The following TTC8 variants were observed in gnomAD, a reference collection of about 807,000 sequenced individuals.
TTC8 encodes tetratricopeptide repeat domain 8, also known as tetratricopeptide repeat protein 8.
Under a neutral mutation model 72.5 loss-of-function variants are expected in TTC8, and 47 were observed. That is an observed-to-expected ratio of 0.65 (90% CI 0.51 to 0.83). The LOEUF is 0.83. TTC8 is among the 40% of genes least tolerant of loss of function. The probability of loss-of-function intolerance (pLI) is 0.00; values close to 1 mark genes in which losing one functional copy is unlikely to be tolerated. For missense variants in TTC8, 611 were observed against 623.2 expected (o/e 0.98, Z 0.21); for synonymous variants, 199 against 221.4 (o/e 0.90, Z 0.90).
chr14:88,842,114 A>T, intron 6 of TTC8, among the ~76,000 whole-genome samples: 1 of 152,196 alleles, frequency 6.6e-6, no homozygotes, highest in East Asian at 1.9e-4. Flanking sequence ...AGAAAAATAA[A>T]GGAAGGTGTC....
chr14:88,877,212 ACTATGT>A (rs1298480551), intron 14 of TTC8, 76 bp from the exon 15 acceptor site: 2 of 989,578 alleles, frequency 2.0e-6, no homozygotes, highest in Non-Finnish European at 3.2e-6. Context: ...GCATGCAGAT[ACTATGT>A]CTTATTTTCT....
At chr14:88,839,635 A>G in intron 3 of TTC8, 63 bp downstream of exon 3, 1 of 1,562,334 alleles carries the variant, frequency 6.4e-7, no homozygotes. Flanking sequence ...ACTGTGTATA[A>G]GAGGAATATA....
chr14:88,840,921 G>A lies in TTC8; in HGVS notation c.322G>A (p.Ala108Thr), dbSNP rs1000702394. 1.6e-5 allele frequency: 26 copies of A among 1,613,982 alleles called. No individual in the cohort carries two copies. Among genetic ancestry groups the A allele is most frequent in the Non-Finnish European group, 2.0e-5 (24 of 1,180,000 alleles). ...GTNQTGGPSQ[A>T]VRPITQAGRP... Reference sequence around the variant, plus strand: ...TAATCAGACAGGAGGGCCTAGCCAGGCCGTTAGGTATGTACTTCTGCTTCA... The same window carrying A: ...TAATCAGACAGGAGGGCCTAGCCAGACCGTTAGGTATGTACTTCTGCTTCA... The change falls in exon 4 of 15, where the codon GCC becomes ACC. Residue 108 changes from alanine (A) to threonine (T), a missense_variant. By Grantham distance (58) the Ala-to-Thr change is moderately conservative (BLOSUM62 0). Transcript: ENST00000380656.
chr14:88,874,269 A>G (rs2094947588), intron 13 of TTC8, among the ~76,000 whole-genome samples: 1 of 152,164 alleles, frequency 6.6e-6, no homozygotes, highest in African/African-American at 2.4e-5. Context: ...TTCCATTAAA[A>G]AAGTTATACA....
downstream of TTC8, chr14:88,880,905 T>C (rs895911992): frequency 7.9e-5 from 12 of 152,184 alleles, no homozygotes; most frequent in African/African-American, 2.7e-4. Context: ...AAAAATTTGA[T>C]AACAGAATGA....
chr14:88,857,367 C>G lies in TTC8; in HGVS notation c.798+90C>G, dbSNP rs774445848. Reference sequence around the variant, plus strand: ...GCATGGGGAGAGTAAACAGCTTCTTCAGGAATATTTGGCAAGTTACTATGT... The same window carrying G: ...GCATGGGGAGAGTAAACAGCTTCTTGAGGAATATTTGGCAAGTTACTATGT... On this transcript the variant is annotated intron_variant, in intron 9 of 14. Transcript: ENST00000380656. 64 of 1,145,382 alleles carry G rather than the reference C, an allele frequency of 5.6e-5. No individual in the cohort carries two copies. The South Asian group carries it at 7.9e-4, about 14-fold the overall frequency. 71.0% of individuals were successfully genotyped at this position (1,145,382 alleles called of 1,614,324 possible).
At chr14:88,833,826 T>C in intron 2 of TTC8, 104 bp downstream of exon 2, 1 of 1,005,596 alleles carries the variant, frequency 9.9e-7, no homozygotes, top group East Asian at 2.4e-5. Flanking sequence ...TTCCTGTGGG[T>C]TTATAAAATT....
At chr14:88,877,191 G>T (rs1595995366) in intron 14 of TTC8, 103 bp from the exon 15 acceptor site, 1 of 839,444 alleles carries the variant, frequency 1.2e-6, no homozygotes, top group Non-Finnish European at 2.0e-6. Flanking sequence ...AGAACCCTTT[G>T]AATTTCTACA....
At chr14:88,877,234 A>G in intron 14 of TTC8, 60 bp from the exon 15 acceptor site, 1 of 1,277,324 alleles carries the variant, frequency 7.8e-7, no homozygotes, top group South Asian at 1.2e-5. Context: ...TTTCTTTTTT[A>G]CTTCCTTACT....
rs540480232 is a variant in TTC8 at position 88,845,968 on chromosome 14, C to T, written c.624+2118C>T. ...AAGCAGATAAGGGAATAAATAATGA[C>T]GTGGGGGAGGATGCTATTTTGGATG... On this transcript the variant is annotated intron_variant, in intron 7 of 14. Transcript: ENST00000380656. Among the ~76,000 whole-genome samples, 8 of 150,898 alleles carry T rather than the reference C, an allele frequency of 5.3e-5. No homozygotes were observed. The South Asian group carries it at 1.5e-3, about 28-fold the overall frequency.
At chr14:88,826,579 C>T (rs969113268) in intron 1 of TTC8, among the ~76,000 whole-genome samples, 1 of 152,046 alleles carries the variant, frequency 6.6e-6, no homozygotes, top group Non-Finnish European at 1.5e-5. Flanking sequence ...TGGCGGGCGC[C>T]TGTAGTCCCA....
intron 14 of TTC8, 66 bp downstream of exon 14, chr14:88,875,175 TACAAATA>T (rs2094952171): frequency 7.3e-7 from 1 of 1,376,226 alleles, no homozygotes; most frequent in Non-Finnish European, 1.0e-6. Flanking sequence ...TTAAAAAAAG[TACAAATA>T]AATGAGGAAA....
chr14:88,867,488 T>C (rs2094915670), intron 10 of TTC8, among the ~76,000 whole-genome samples: 1 of 152,214 alleles, frequency 6.6e-6, no homozygotes, highest in Non-Finnish European at 1.5e-5. Flanking sequence ...TGTATGCTTA[T>C]GTATGAACAA....
At chr14:88,876,206 G>A (rs1032752885) in intron 14 of TTC8, among the ~76,000 whole-genome samples, 1 of 152,214 alleles carries the variant, frequency 6.6e-6, no homozygotes, top group Middle Eastern at 3.4e-3. Flanking sequence ...GCTTACCTTC[G>A]GGAATAGCAC....
intron 1 of TTC8, among the ~76,000 whole-genome samples, chr14:88,831,717 T>C (rs2140958103): frequency 6.6e-6 from 1 of 152,324 alleles, no homozygotes; most frequent in East Asian, 1.9e-4. Flanking sequence ...GATTCTATCA[T>C]CTATATTTTT....
chr14:88,875,475 G>T (rs969740550), intron 14 of TTC8, among the ~76,000 whole-genome samples: 2 of 152,096 alleles, frequency 1.3e-5, no homozygotes, highest in African/African-American at 4.8e-5. Flanking sequence ...TTGCCACCAA[G>T]TTTCTGGTAC....
At chr14:88,860,713 A>T (rs1256575128) in intron 9 of TTC8, among the ~76,000 whole-genome samples, 3 of 152,232 alleles carry the variant, frequency 2.0e-5, no homozygotes, top group Admixed American at 6.5e-5. Context: ...TAGAGAATAA[A>T]TGAATGAATG....
At chr14:88,874,794 G>A (rs2094949812) in intron 13 of TTC8, among the ~76,000 whole-genome samples, 1 of 151,974 alleles carries the variant, frequency 6.6e-6, no homozygotes, top group Non-Finnish European at 1.5e-5. Flanking sequence ...CTTATTTTCT[G>A]TGTCTTATGA....
chr14:88,856,011 G>C lies in TTC8; in HGVS notation c.711-1179G>C, dbSNP rs561683604. On this transcript the variant is annotated intron_variant, in intron 8 of 14. Transcript: ENST00000380656. Reference sequence around the variant, plus strand: ...AAGACAGAGGATTGCTTGAGCCCCAGAGGGCAAGGCTGCGGTGAGCTGTGA... The same window carrying C: ...AAGACAGAGGATTGCTTGAGCCCCACAGGGCAAGGCTGCGGTGAGCTGTGA... Among the ~76,000 whole-genome samples, 39 of 152,354 alleles carry C rather than the reference G, an allele frequency of 2.6e-4. No homozygotes were observed. In the South Asian group the frequency reaches 7.9e-3, roughly 31 times the overall value.
Sources: gnomAD v4.1 joint callset for allele counts (sites outside exome capture counted in the v4.1 genomes callset) on GRCh38, gnomAD v4.1.1 for gene constraint, MANE v1.5 for transcripts, NCBI Gene and HGNC (gene_info 2026-07-23, HGNC 2026-07-21) for gene names.